The following EPAS1 variants were observed in gnomAD, a reference collection of about 807,000 sequenced individuals.
EPAS1 encodes endothelial PAS domain protein 1, also known as endothelial PAS domain-containing protein 1.
Under a neutral mutation model 87.9 loss-of-function variants are expected in EPAS1, and 23 were observed. The ratio of observed to expected loss-of-function variants is 0.26; its 90% CI spans 0.19 to 0.37. The LOEUF (loss-of-function observed/expected upper bound fraction) is 0.37. Among genes scored for constraint, EPAS1 ranks in the 10% least tolerant of loss-of-function variants. EPAS1 has a pLI of 1.00. For missense variants in EPAS1, 1,138 were observed against 1,120.7 expected, an observed-to-expected ratio of 1.02 and a Z score of -0.22; for synonymous variants, 508 against 444.3, an observed-to-expected ratio of 1.14 and a Z score of -1.80.
intron 2 of EPAS1, among the ~76,000 whole-genome samples, chr2:46,350,554 C>T (rs1368306914): frequency 3.3e-5 from 5 of 152,162 alleles, no homozygotes; most frequent in East Asian, 1.9e-4. Context: ...TTAGCTGCCA[C>T]GCTGGGCTGA....
intron 1 of EPAS1, among the ~76,000 whole-genome samples, chr2:46,345,990 A>G (rs530569003): frequency 6.6e-6 from 1 of 152,360 alleles, no homozygotes; most frequent in East Asian, 1.9e-4. Flanking sequence ...GAGGCTAAGC[A>G]GTTTAAATGA....
At chr2:46,313,085 A>G (rs939710847) in intron 1 of EPAS1, among the ~76,000 whole-genome samples, 8 of 152,226 alleles carry the variant, frequency 5.3e-5, no homozygotes, top group African/African-American at 1.9e-4. Flanking sequence ...TCAGACAGCT[A>G]CTAGCAGAGA....
intron 11 of EPAS1, 126 bp downstream of exon 11, chr2:46,378,893 C>G (rs1684819462): frequency 2.2e-6 from 2 of 896,292 alleles, no homozygotes; most frequent in South Asian, 2.8e-5. Flanking sequence ...GGCCAAGGCC[C>G]AGGTCCCCTA....
rs762559920 is a variant in EPAS1, at chr2:46,347,111, G to A, written c.217+48G>A. On this transcript the variant is annotated intron_variant, in intron 2 of 15. Transcript: ENST00000263734. This position sits in a 1 kb window ranked among gnomAD's most constrained non-coding sequence, Gnocchi z 4.2. ...GGCTGGGCAGATGCCAGCCTTACCA[G>A]CATGTTCCTATATGCAGGGGACCCT... 7.5e-6 allele frequency: 12 copies of A among 1,608,998 alleles called. No individual in the cohort carries two copies. Among genetic ancestry groups the A allele is most frequent in the African/African-American group, 2.7e-5 (2 of 74,824 alleles).
chr2:46,309,720 C>G (rs1346206560), intron 1 of EPAS1, among the ~76,000 whole-genome samples: 2 of 152,202 alleles, frequency 1.3e-5, no homozygotes, highest in Non-Finnish European at 2.9e-5. Context: ...GAGCCAGTTC[C>G]TTCCAGGGCT....
rs1684897008 is a variant in EPAS1, at chr2:46,381,709, A to C, written c.2159A>C (p.Gln720Pro). The stretch of plus-strand genomic sequence containing the variant: ...CTGGAGTATGAAGAGCAAGCCTTCC[A>C]GGACCTGAGCGGGGTGAGTCATCCC... Reference protein sequence around the residue: ...RQLEYEEQAFQDLSGGDPPGG... With the variant: ...RQLEYEEQAFPDLSGGDPPGG... Residue 720 changes from glutamine to proline, a missense_variant, in exon 13 of 16, where the codon CAG becomes CCG. Physicochemically the swap from Gln to Pro is moderately conservative, Grantham distance 76. This residue lies in a region of EPAS1 where 502 missense variants were observed against 427.1 expected (regional missense o/e 1.18). Coordinates refer to ENST00000263734, the MANE Select transcript of EPAS1 (RefSeq NM_001430.5). The C allele has an allele frequency of 3.1e-6, 5 of 1,613,924 alleles. No individual in the cohort carries two copies. In the East Asian group the frequency reaches 1.1e-4, roughly 36 times the overall value.
chr2:46,312,582 G>C (rs763163050), intron 1 of EPAS1, among the ~76,000 whole-genome samples: 6 of 152,148 alleles, frequency 3.9e-5, no homozygotes, highest in Non-Finnish European at 7.3e-5. Flanking sequence ...TAATCATTAG[G>C]CACATTATTG....
chr2:46,363,407 GA>G (rs1437636795), intron 6 of EPAS1, among the ~76,000 whole-genome samples: 1 of 152,180 alleles, frequency 6.6e-6, no homozygotes, highest in Non-Finnish European at 1.5e-5. Flanking sequence ...ATAGAAAAGA[GA>G]TTTTTTTTAA....
chr2:46,354,496 A>C (rs72797412), intron 2 of EPAS1, among the ~76,000 whole-genome samples: 3,073 of 151,736 alleles, frequency 0.02, 45 homozygotes, highest in Non-Finnish European at 0.033. Flanking sequence ...CTGGGGCCTA[A>C]GAGGTTTCTT....
Position 46,360,865 on chromosome 2 carries a change from C to G in EPAS1, c.574-20C>G. 6.2e-7 allele frequency: 1 copy of G among 1,614,098 alleles called. No homozygotes were observed. The highest frequency in any genetic ancestry group is 8.5e-7 in the Non-Finnish European group (1 of 1,179,972). ...CCAGCACTCTCGGCTCCATGTCTGA[C>G]CCTTCCACGCCTGTCTCAGGTCTTG... On this transcript the variant is annotated intron_variant, in intron 5 of 15. Coordinates refer to ENST00000263734, the MANE Select transcript of EPAS1 (RefSeq NM_001430.5). The surrounding 1 kb of genome is among the most constrained non-coding windows in gnomAD (Gnocchi z 4.5).
chr2:46,303,316 A>C (rs1306682944), intron 1 of EPAS1, among the ~76,000 whole-genome samples: 1 of 152,182 alleles, frequency 6.6e-6, no homozygotes, highest in East Asian at 1.9e-4. Flanking sequence ...CAGCTTAAAG[A>C]CTGGCTCAGA....
intron 1 of EPAS1, among the ~76,000 whole-genome samples, chr2:46,328,188 A>G (rs922224977): frequency 2.0e-5 from 3 of 152,186 alleles, no homozygotes; most frequent in African/African-American, 7.2e-5. Context: ...TGGTGTAGAC[A>G]GTAAGTGAGG....
At position 46,385,099 on chromosome 2, in the gene EPAS1, T is replaced by A. The variant is rs1420063696; in HGVS notation, c.*439T>A. On this transcript the variant is annotated 3_prime_UTR_variant, in exon 16 of 16. Coordinates refer to ENST00000263734, the MANE Select transcript of EPAS1 (RefSeq NM_001430.5). ...TTGCCAAAGAGAAACAAAAATGATTTTGCTTTCCAAGCTTGGTTTGTGGCG... is the reference window on the plus strand; with the variant it reads ...TTGCCAAAGAGAAACAAAAATGATTATGCTTTCCAAGCTTGGTTTGTGGCG... 1.7e-5 allele frequency: 3 copies of A among 180,518 alleles called. No individual in the cohort carries two copies. The East Asian group carries it at 4.2e-4, about 26-fold the overall frequency. 11.2% of individuals were successfully genotyped at this position (180,518 alleles called of 1,614,324 possible). A position where few individuals can be genotyped will look rare whatever the true frequency, so the allele number is the denominator to read the frequency against.
rs1685024186 is a variant in EPAS1 at position 46,386,327 on chromosome 2, A to G, written c.*1667A>G. ...GGATAGACTTATTGCCAAAAACAAA[A>G]AATAGCTTTCAAAAGAAATTTAAGT... On this transcript the variant is annotated 3_prime_UTR_variant, in exon 16 of 16. Transcript: ENST00000263734. The G allele has an allele frequency of 6.6e-6, 1 of 152,618 alleles. No homozygotes were observed. The highest frequency in any genetic ancestry group is 2.1e-4 in the South Asian group (1 of 4,832). 9.5% of individuals were successfully genotyped at this position (152,618 alleles called of 1,614,324 possible).
chr2:46,315,311 T>C (rs994114476), intron 1 of EPAS1, among the ~76,000 whole-genome samples: 3 of 152,108 alleles, frequency 2.0e-5, no homozygotes, highest in Admixed American at 6.5e-5. Flanking sequence ...TGAAAATCAC[T>C]GAATGAAGTC....
chr2:46,297,769 T>G lies in EPAS1; in HGVS notation c.-143T>G. On this transcript the variant is annotated 5_prime_UTR_variant, in exon 1 of 16. Coordinates refer to ENST00000263734, the MANE Select transcript of EPAS1 (RefSeq NM_001430.5). ...CGCCGCGCGCCACCTTCCACCTGAC[T>G]GCGCGGGGCGCTCGGGACCTGCGCG... The G allele has an allele frequency of 5.2e-6, 6 of 1,159,942 alleles. No homozygotes were observed. Among genetic ancestry groups the G allele is most frequent in the Non-Finnish European group, 7.4e-6 (6 of 807,034 alleles). The allele number at this position is 1,159,942 out of a possible 1,614,324, so 71.9% of individuals were successfully genotyped here.
At chr2:46,382,658 G>C (rs1311671138) in intron 15 of EPAS1, 60 bp downstream of exon 15, 3 of 1,603,300 alleles carry the variant, frequency 1.9e-6, no homozygotes, top group East Asian at 4.5e-5. Context: ...GGAAGCCCAC[G>C]TCTACTTTTT....
intron 11 of EPAS1, 80 bp downstream of exon 11, chr2:46,378,847 C>T: frequency 7.6e-7 from 1 of 1,311,978 alleles, no homozygotes; most frequent in Non-Finnish European, 1.1e-6. Flanking sequence ...TTCTTGTAGC[C>T]TCATCCCTTT....
intron 1 of EPAS1, among the ~76,000 whole-genome samples, chr2:46,302,159 T>TCGG (rs1683017322): frequency 8.4e-6 from 1 of 119,528 alleles, no homozygotes; most frequent in African/African-American, 4.5e-5. Flanking sequence ...TGCCCGTGCG[T>TCGG]CGGGGGGGGG....
Sources: allele counts gnomAD v4.1 joint callset (sites outside exome capture counted in the v4.1 genomes callset), GRCh38; gene constraint gnomAD v4.1.1; regional missense constraint gnomAD v4.1.1; non-coding constraint Gnocchi (gnomAD v3.1); transcripts MANE v1.5; gene names NCBI Gene and HGNC (gene_info 2026-07-23, HGNC 2026-07-21).